SLC24A3: variants seen among roughly 807,000 people sequenced by gnomAD.
SLC24A3 encodes solute carrier family 24 member 3.
A neutral mutation model predicts 75.8 loss-of-function variants in SLC24A3; 28 were observed. That is an observed-to-expected ratio of 0.37 (90% CI 0.27 to 0.51). The LOEUF is 0.51. Among genes scored for constraint, SLC24A3 ranks in the 20% least tolerant of loss-of-function variants. The probability of loss-of-function intolerance (pLI) is 0.94; values close to 1 mark genes in which losing one functional copy is unlikely to be tolerated. For missense variants in SLC24A3, 663 were observed against 847.8 expected, an observed-to-expected ratio of 0.78 and a Z score of 2.71; for synonymous variants, 372 against 334.1, an observed-to-expected ratio of 1.11 and a Z score of -1.24.
chr20:19,383,079 T>C (rs1265279661), intron 2 of SLC24A3, among the ~76,000 whole-genome samples: 2 of 152,188 alleles, frequency 1.3e-5, no homozygotes, highest in East Asian at 3.9e-4. Flanking sequence ...CCAAGCCTAA[T>C]TGGAATGAAT....
At chr20:19,376,227 G>A (rs1018891661) in intron 2 of SLC24A3, among the ~76,000 whole-genome samples, 1 of 152,170 alleles carries the variant, frequency 6.6e-6, no homozygotes, top group Non-Finnish European at 1.5e-5. Context: ...TATTTTGTTT[G>A]TAATTTTATT....
chr20:19,717,463 C>G, intron 15 of SLC24A3, 65 bp from the exon 16 acceptor site: 4 of 1,574,232 alleles, frequency 2.5e-6, no homozygotes, highest in Non-Finnish European at 3.5e-6. Context: ...GATGCCTTTT[C>G]CAAAGCCTAA....
intron 2 of SLC24A3, among the ~76,000 whole-genome samples, chr20:19,392,903 A>C (rs947491597): frequency 6.6e-6 from 1 of 152,124 alleles, no homozygotes; most frequent in African/African-American, 2.4e-5. Context: ...CTTGCAAGGA[A>C]AGGAGAACTT....
intron 3 of SLC24A3, among the ~76,000 whole-genome samples, chr20:19,569,080 G>A (rs1296633245): frequency 6.6e-6 from 1 of 152,162 alleles, no homozygotes; most frequent in Admixed American, 6.5e-5. Flanking sequence ...AAGAAAGAGT[G>A]GGTCAGGGAA....
intron 2 of SLC24A3, among the ~76,000 whole-genome samples, chr20:19,491,270 C>T (rs1988205595): frequency 6.6e-6 from 1 of 152,184 alleles, no homozygotes; most frequent in African/African-American, 2.4e-5. Context: ...CTTCTCATTC[C>T]GGTTCCTCCT....
intron 7 of SLC24A3, among the ~76,000 whole-genome samples, chr20:19,655,560 G>C (rs1044418635): frequency 2.0e-5 from 3 of 152,158 alleles, no homozygotes; most frequent in Non-Finnish European, 4.4e-5. Flanking sequence ...CTGTCTGTGA[G>C]AGTGCTTTTC....
At chr20:19,640,538 T>C (rs1241564196) in intron 6 of SLC24A3, among the ~76,000 whole-genome samples, 15 of 152,162 alleles carry the variant, frequency 9.9e-5, no homozygotes, top group Non-Finnish European at 1.5e-5. Flanking sequence ...TCAGTTGAGG[T>C]CAGGAGTTCA....
At chr20:19,711,646 CTT>C (rs139028607) in intron 15 of SLC24A3, among the ~76,000 whole-genome samples, 1 of 149,944 alleles carries the variant, frequency 6.7e-6, no homozygotes, top group Non-Finnish European at 1.5e-5. Context: ...ATGCTTTTTT[CTT>C]TTTTTTTTTT....
chr20:19,411,666 G>A (rs915914906), intron 2 of SLC24A3, among the ~76,000 whole-genome samples: 9 of 152,212 alleles, frequency 5.9e-5, no homozygotes, highest in African/African-American at 2.2e-4. Context: ...ACTTGGAGGA[G>A]GGTCTCATTG....
chr20:19,252,647 G>GGC lies in SLC24A3; in HGVS notation c.143-28311_143-28310insCG, dbSNP rs553383258. 6.7e-5 allele frequency among the ~76,000 whole-genome samples: 10 copies of GGC among 148,202 alleles called. 1 individual carries two copies. The highest frequency in any genetic ancestry group is 4.0e-4 in the Admixed American group (6 of 14,986). On this transcript the variant is annotated intron_variant, in intron 1 of 16. Coordinates refer to ENST00000328041, the MANE Select transcript of SLC24A3 (RefSeq NM_020689.4). ...AAAAGCCTGAAATTGGAATGGCGGGGGGGGGTGCCTGTTCCAGAAACTCCT... is the reference window on the plus strand; with the variant it reads ...AAAAGCCTGAAATTGGAATGGCGGGGGCGGGGGTGCCTGTTCCAGAAACTCCT...
intron 2 of SLC24A3, among the ~76,000 whole-genome samples, chr20:19,327,688 G>C (rs779120686): frequency 1.3e-5 from 2 of 152,216 alleles, no homozygotes; most frequent in Non-Finnish European, 2.9e-5. Context: ...CCCAGCCTCA[G>C]GACGCCTGTG....
chr20:19,430,732 A>C (rs552798281), intron 2 of SLC24A3, among the ~76,000 whole-genome samples: 23 of 152,258 alleles, frequency 1.5e-4, no homozygotes, highest in Admixed American at 1.5e-3. Context: ...ATACAGGCCC[A>C]TGCACAAGCA....
intron 1 of SLC24A3, among the ~76,000 whole-genome samples, chr20:19,246,717 A>G (rs997251134): frequency 1.3e-5 from 2 of 152,160 alleles, no homozygotes; most frequent in Non-Finnish European, 2.9e-5. Context: ...GGTGCAGAAA[A>G]ACATTTTTAA....
intron 6 of SLC24A3, among the ~76,000 whole-genome samples, chr20:19,639,693 T>C (rs1245730078): frequency 6.6e-6 from 1 of 152,140 alleles, no homozygotes; most frequent in Non-Finnish European, 1.5e-5. Context: ...CGGCGCTCAA[T>C]GGGGAGGCTC....
chr20:19,646,062 C>T (rs1365650848), intron 6 of SLC24A3, among the ~76,000 whole-genome samples: 1 of 152,096 alleles, frequency 6.6e-6, no homozygotes, highest in Non-Finnish European at 1.5e-5. Flanking sequence ...TCTCAAAAAA[C>T]AAGAAATATA....
intron 1 of SLC24A3, among the ~76,000 whole-genome samples, chr20:19,272,256 C>T (rs1468096469): frequency 2.0e-5 from 3 of 152,264 alleles, no homozygotes; most frequent in Non-Finnish European, 4.4e-5. Flanking sequence ...AGCAGTAACT[C>T]AGACTCCAGT....
chr20:19,273,245 G>A (rs1983384012), intron 1 of SLC24A3, among the ~76,000 whole-genome samples: 1 of 152,152 alleles, frequency 6.6e-6, no homozygotes, highest in South Asian at 2.1e-4. Flanking sequence ...ATGTCGGACA[G>A]GAAGGCAAAG....
rs181065939 is a variant in SLC24A3 at position 19,226,958 on chromosome 20, G to A, written c.142+13974G>A. ...ATGACTGTTCTTGTCAGAAGTCTTT[G>A]ACAATCTCTGCCGGTTTCTTTAGGT... is the stretch of plus-strand genomic sequence containing the variant. On this transcript the variant is annotated intron_variant, in intron 1 of 16. Coordinates refer to ENST00000328041, the MANE Select transcript of SLC24A3 (RefSeq NM_020689.4). Among the ~76,000 whole-genome samples, 849 of 152,194 alleles carry A rather than the reference G, an allele frequency of 5.6e-3. 18 individuals are homozygous for A. Among genetic ancestry groups the A allele is most frequent in the Admixed American group, 0.029 (438 of 15,300 alleles).
chr20:19,411,541 G>A (rs1986743742), intron 2 of SLC24A3, among the ~76,000 whole-genome samples: 1 of 152,186 alleles, frequency 6.6e-6, no homozygotes, highest in African/African-American at 2.4e-5. Flanking sequence ...GAAGGAAGTT[G>A]AATTTCCCAG....
Sources: allele counts gnomAD v4.1 joint callset (sites outside exome capture counted in the v4.1 genomes callset), GRCh38; gene constraint gnomAD v4.1.1; transcripts MANE v1.5; gene names NCBI Gene and HGNC (gene_info 2026-07-23, HGNC 2026-07-21).